Variants in CNTNAP5 observed in about 807,000 individuals in gnomAD.
CNTNAP5 encodes the protein contactin associated protein family member 5, also known as contactin-associated protein-like 5.
CNTNAP5 carries 72 observed loss-of-function variants against 150.2 expected under a neutral mutation model. The observed-to-expected ratio is 0.48, with a 90% CI of 0.40 to 0.58. The LOEUF is 0.58. CNTNAP5 is among the 20% of genes least tolerant of loss of function. CNTNAP5 has a pLI of 0.00. For missense variants in CNTNAP5, 1,636 were observed against 1,626.2 expected (o/e 1.01, Z -0.10); for synonymous variants, 672 against 619.8 (o/e 1.08, Z -1.25).
chr2:124,531,485 C>G (rs1396866705), intron 10 of CNTNAP5, among the ~76,000 whole-genome samples: 4 of 152,154 alleles, frequency 2.6e-5, no homozygotes, highest in Non-Finnish European at 5.9e-5. Context: ...TGTTGATACA[C>G]CCTCTGTAGT....
At chr2:124,670,148 C>CCTTCCTTCCTTCCTTT (rs1678785128) in intron 13 of CNTNAP5, among the ~76,000 whole-genome samples, 1 of 129,748 alleles carries the variant, frequency 7.7e-6, no homozygotes, top group Non-Finnish European at 1.7e-5. Context: ...TTCCTTCCTT[C>CCTTCCTTCCTTCCTTT]CTTCCTTCCT....
chr2:124,579,037 T>C (rs370135444), intron 11 of CNTNAP5, among the ~76,000 whole-genome samples: 31 of 152,302 alleles, frequency 2.0e-4, no homozygotes, highest in Non-Finnish European at 2.6e-4. Flanking sequence ...TATACCTTGA[T>C]AGATGGGAGA....
At chr2:124,080,552 G>A (rs1160099692) in intron 1 of CNTNAP5, among the ~76,000 whole-genome samples, 1 of 152,120 alleles carries the variant, frequency 6.6e-6, no homozygotes, top group Non-Finnish European at 1.5e-5. Context: ...TGAATTGATT[G>A]CACACAAAAT....
chr2:124,699,663 A>G (rs7580383), intron 13 of CNTNAP5, among the ~76,000 whole-genome samples: 62,669 of 151,708 alleles, frequency 0.41, 13,686 homozygotes, highest in African/African-American at 0.49. Flanking sequence ...GCTCTTAGCA[A>G]TCCTGGGAGG....
Position 124,914,588 on chromosome 2 carries a change from T to C in CNTNAP5, c.*300T>C, listed in dbSNP as rs1678724453. ...GTGCACTCCTGCATGTTCAGTTCTG[T>C]ACTTCCAGTTTCTAAAATGCACTGT... On this transcript the variant is annotated 3_prime_UTR_variant, in exon 24 of 24. Transcript: ENST00000682447. The C allele has an allele frequency of 1.6e-5, 4 of 250,064 alleles. No homozygotes were observed. The South Asian group carries it at 2.9e-4, about 18-fold the overall frequency. The allele number at this position is 250,064 out of a possible 1,614,324, so 15.5% of individuals were successfully genotyped here.
At chr2:124,898,315 A>C (rs1268598851) in intron 21 of CNTNAP5, among the ~76,000 whole-genome samples, 2 of 151,444 alleles carry the variant, frequency 1.3e-5, no homozygotes, top group African/African-American at 4.9e-5. Flanking sequence ...AATCCAGAGC[A>C]ATGTCTGTTT....
At chr2:124,300,642 G>T (rs1345580558) in intron 3 of CNTNAP5, among the ~76,000 whole-genome samples, 4 of 152,178 alleles carry the variant, frequency 2.6e-5, no homozygotes, top group Admixed American at 1.3e-4. Flanking sequence ...GCACTGGCAG[G>T]CCACATGGAA....
chr2:124,664,054 T>C (rs1678647018), intron 13 of CNTNAP5, among the ~76,000 whole-genome samples: 1 of 152,196 alleles, frequency 6.6e-6, no homozygotes, highest in South Asian at 2.1e-4. Context: ...GCCATTTTAG[T>C]GACTGGCACA....
At chr2:124,700,145 C>T (rs547989526) in intron 13 of CNTNAP5, among the ~76,000 whole-genome samples, 170 of 152,274 alleles carry the variant, frequency 1.1e-3, no homozygotes, top group Non-Finnish European at 2.0e-3. Context: ...GCTTCTTCCA[C>T]TTAATAGAAT....
chr2:124,499,969 G>A (rs931644177), intron 7 of CNTNAP5, among the ~76,000 whole-genome samples: 1 of 152,122 alleles, frequency 6.6e-6, no homozygotes, highest in East Asian at 1.9e-4. Flanking sequence ...GTCTGTATTT[G>A]AAGGCCTGAG....
intron 1 of CNTNAP5, among the ~76,000 whole-genome samples, chr2:124,080,614 T>C (rs1040637869): frequency 8.5e-5 from 13 of 152,180 alleles, no homozygotes; most frequent in Admixed American, 8.5e-4. Flanking sequence ...GCCAATTGCA[T>C]AGAAAACACT....
intron 4 of CNTNAP5, among the ~76,000 whole-genome samples, chr2:124,428,906 A>G (rs1356924295): frequency 1.3e-5 from 2 of 151,878 alleles, no homozygotes; most frequent in African/African-American, 4.8e-5. Flanking sequence ...TGAAGTGATC[A>G]CACATTTCCC....
chr2:124,428,523 G>C (rs1234675852), intron 4 of CNTNAP5, among the ~76,000 whole-genome samples: 1 of 152,200 alleles, frequency 6.6e-6, no homozygotes, highest in Non-Finnish European at 1.5e-5. Context: ...TCCCACATGT[G>C]TACATGGTTT....
chr2:124,128,743 G>C (rs1683776730), intron 1 of CNTNAP5, among the ~76,000 whole-genome samples: 1 of 151,718 alleles, frequency 6.6e-6, no homozygotes, highest in Non-Finnish European at 1.5e-5. Context: ...AAAAAAGGGT[G>C]AGTTCATGTC....
intron 13 of CNTNAP5, among the ~76,000 whole-genome samples, chr2:124,671,669 T>G (rs1022388191): frequency 6.6e-6 from 1 of 152,182 alleles, no homozygotes; most frequent in Non-Finnish European, 1.5e-5. Context: ...AGATGGGGTC[T>G]CACTCTGTTG....
chr2:124,519,838 A>G (rs1291307142), intron 8 of CNTNAP5, among the ~76,000 whole-genome samples: 1 of 152,166 alleles, frequency 6.6e-6, no homozygotes. Context: ...TTCCTAGGAA[A>G]GCGCAGGGCA....
intron 1 of CNTNAP5, among the ~76,000 whole-genome samples, chr2:124,059,480 CT>C (rs1681944923): frequency 6.6e-6 from 1 of 152,202 alleles, no homozygotes; most frequent in Non-Finnish European, 1.5e-5. Context: ...GTGTCCTCTT[CT>C]GTAATCTACT....
At chr2:124,777,775 ATGTGTGTG>A (rs35863925) in intron 17 of CNTNAP5, among the ~76,000 whole-genome samples, 14,288 of 130,584 alleles carry the variant, frequency 0.11, 714 homozygotes, top group South Asian at 0.15. Context: ...GAATGGAGGG[ATGTGTGTG>A]TGTGTGTGTG....
At chr2:124,353,281 C>T (rs1035710068) in intron 3 of CNTNAP5, among the ~76,000 whole-genome samples, 1 of 31,636 alleles carries the variant, frequency 3.2e-5, no homozygotes, top group Admixed American at 3.7e-4. Flanking sequence ...ACAACAAAAA[C>T]AGACCAAAAA....
Sources: gnomAD v4.1 joint callset for allele counts (sites outside exome capture counted in the v4.1 genomes callset) on GRCh38, gnomAD v4.1.1 for gene constraint, MANE v1.5 for transcripts, NCBI Gene and HGNC (gene_info 2026-07-23, HGNC 2026-07-21) for gene names.